SLC24A3: variants seen among roughly 807,000 people sequenced by gnomAD.
SLC24A3 encodes solute carrier family 24 member 3, also known as sodium/potassium/calcium exchanger 3.
In SLC24A3, 28 loss-of-function variants were observed where a neutral mutation model predicts 75.8. That is an observed-to-expected ratio of 0.37 (90% CI 0.27 to 0.51). The LOEUF is 0.51. Ranked by LOEUF, SLC24A3 falls within the 20% of genes least tolerant of loss-of-function variation. SLC24A3 has a pLI of 0.94. For synonymous variants in SLC24A3, 372 were observed against 334.1 expected (o/e 1.11, Z -1.24); for missense variants, 663 against 847.8 (o/e 0.78, Z 2.71).
chr20:19,721,219 C>T lies in SLC24A3; in HGVS notation c.*79C>T. 1 of 1,554,612 alleles carries T rather than the reference C, an allele frequency of 6.4e-7. No homozygotes were observed. The highest frequency in any genetic ancestry group is 8.7e-7 in the Non-Finnish European group (1 of 1,146,528). On this transcript the variant is annotated 3_prime_UTR_variant, in exon 17 of 17. Coordinates refer to ENST00000328041, the MANE Select transcript of SLC24A3 (RefSeq NM_020689.4). The stretch of plus-strand genomic sequence containing the variant: ...CCGGCCGCACCCCGAGTCACACAGG[C>T]CCCCGGGGCCACGGCGTTCGTCTCT...
chr20:19,527,749 C>T (rs1052382711), intron 3 of SLC24A3, among the ~76,000 whole-genome samples: 2 of 152,206 alleles, frequency 1.3e-5, no homozygotes, highest in African/African-American at 4.8e-5. Context: ...CCTTTCTGAA[C>T]ATTTGCACAA....
At chr20:19,701,366 AC>A (rs1255498795) in intron 15 of SLC24A3, among the ~76,000 whole-genome samples, 1 of 151,632 alleles carries the variant, frequency 6.6e-6, no homozygotes, top group Non-Finnish European at 1.5e-5. Flanking sequence ...TTAAAAAAAA[AC>A]ATTAATTCAG....
intron 4 of SLC24A3, 128 bp downstream of exon 4, chr20:19,580,202 C>T: frequency 1.4e-6 from 1 of 695,610 alleles, no homozygotes. Context: ...GAACACCAGG[C>T]ATCACCATGT....
At chr20:19,509,305 T>C (rs1036780897) in intron 2 of SLC24A3, among the ~76,000 whole-genome samples, 17 of 152,208 alleles carry the variant, frequency 1.1e-4, no homozygotes, top group African/African-American at 4.1e-4. Flanking sequence ...GCAAGCATCC[T>C]AGCTCAAGCC....
intron 9 of SLC24A3, among the ~76,000 whole-genome samples, chr20:19,678,988 G>C (rs1038405173): frequency 1.3e-4 from 19 of 151,342 alleles, no homozygotes; most frequent in African/African-American, 4.6e-4. Flanking sequence ...ATGGGATGGC[G>C]GCCGGGCAGA....
At chr20:19,316,678 G>A (rs2122269586) in intron 2 of SLC24A3, among the ~76,000 whole-genome samples, 1 of 152,330 alleles carries the variant, frequency 6.6e-6, no homozygotes, top group South Asian at 2.1e-4. Flanking sequence ...TAGGGGCTGG[G>A]GAGAGGTCAC....
At chr20:19,429,961 G>A (rs1012222327) in intron 2 of SLC24A3, among the ~76,000 whole-genome samples, 16 of 152,128 alleles carry the variant, frequency 1.1e-4, no homozygotes, top group East Asian at 5.8e-4. Flanking sequence ...GAGGGCCTGG[G>A]CTGTGATTTA....
chr20:19,687,373 C>G (rs2122745413), intron 12 of SLC24A3, among the ~76,000 whole-genome samples: 1 of 152,276 alleles, frequency 6.6e-6, no homozygotes, highest in Non-Finnish European at 1.5e-5. Flanking sequence ...GATCAGGCAC[C>G]TGCACAATCT....
chr20:19,236,036 C>T (rs1251049600), intron 1 of SLC24A3, among the ~76,000 whole-genome samples: 3 of 152,242 alleles, frequency 2.0e-5, no homozygotes, highest in East Asian at 1.9e-4. Flanking sequence ...TTGACTCCAA[C>T]GTCCTGACCA....
chr20:19,710,564 C>T (rs1312853998), intron 15 of SLC24A3, among the ~76,000 whole-genome samples: 3 of 152,210 alleles, frequency 2.0e-5, no homozygotes, highest in African/African-American at 7.2e-5. Flanking sequence ...CACATGCTCT[C>T]AGATCAGCAT....
chr20:19,476,634 A>G (rs2122513489), intron 2 of SLC24A3, among the ~76,000 whole-genome samples: 1 of 152,368 alleles, frequency 6.6e-6, no homozygotes, highest in East Asian at 1.9e-4. Context: ...AGCATTCAAA[A>G]TATGTAAAAC....
At chr20:19,239,404 C>T (rs1229821860) in intron 1 of SLC24A3, among the ~76,000 whole-genome samples, 1 of 152,224 alleles carries the variant, frequency 6.6e-6, no homozygotes, top group Non-Finnish European at 1.5e-5. Flanking sequence ...AAGGCTGTCT[C>T]CCACAGGTGG....
At chr20:19,547,360 T>C (rs1252170875) in intron 3 of SLC24A3, among the ~76,000 whole-genome samples, 2 of 152,190 alleles carry the variant, frequency 1.3e-5, no homozygotes, top group Non-Finnish European at 2.9e-5. Context: ...TGCTAATCAT[T>C]GGTGACCTGA....
chr20:19,435,307 C>A (rs1291629492), intron 2 of SLC24A3, among the ~76,000 whole-genome samples: 10 of 152,242 alleles, frequency 6.6e-5, no homozygotes, highest in Non-Finnish European at 7.3e-5. Context: ...TTAAGTGGTA[C>A]TGCCCATGCA....
intron 2 of SLC24A3, among the ~76,000 whole-genome samples, chr20:19,499,571 T>G (rs1421252692): frequency 6.6e-6 from 1 of 152,202 alleles, no homozygotes; most frequent in African/African-American, 2.4e-5. Flanking sequence ...CATACCACTA[T>G]GCCAAGCTAA....
At chr20:19,309,868 G>A (rs1052211980) in intron 2 of SLC24A3, among the ~76,000 whole-genome samples, 1 of 152,122 alleles carries the variant, frequency 6.6e-6, no homozygotes, top group South Asian at 2.1e-4. Context: ...GGGAGAGCTG[G>A]GCTTCCAGTC....
At chr20:19,651,695 T>TA (rs1483855210) in intron 6 of SLC24A3, among the ~76,000 whole-genome samples, 3 of 151,662 alleles carry the variant, frequency 2.0e-5, no homozygotes, top group African/African-American at 7.3e-5. Context: ...CTGTCTCTAC[T>TA]AAAAAATACA....
At chr20:19,483,201 C>T (rs1188397268) in intron 2 of SLC24A3, among the ~76,000 whole-genome samples, 1 of 152,214 alleles carries the variant, frequency 6.6e-6, no homozygotes, top group South Asian at 2.1e-4. Flanking sequence ...CTCCAGAAGG[C>T]AGCTGCACTT....
chr20:19,695,982 T>G (rs139641605), intron 13 of SLC24A3, among the ~76,000 whole-genome samples: 3 of 151,862 alleles, frequency 2.0e-5, no homozygotes, highest in African/African-American at 7.2e-5. Flanking sequence ...GAAAAGGAAA[T>G]GCTAGTTATG....
Sources: gnomAD v4.1 joint callset for allele counts (sites outside exome capture counted in the v4.1 genomes callset) on GRCh38, gnomAD v4.1.1 for gene constraint, MANE v1.5 for transcripts, NCBI Gene and HGNC (gene_info 2026-07-23, HGNC 2026-07-21) for gene names.